AVEN: variants seen among roughly 807,000 people sequenced by gnomAD.
The protein encoded by AVEN is cell death regulator Aven.
AVEN carries 41 observed loss-of-function variants against 38.1 expected under a neutral mutation model. The ratio of observed to expected loss-of-function variants is 1.08; its 90% confidence interval spans 0.84 to 1.40. The LOEUF (loss-of-function observed/expected upper bound fraction) is 1.40, where lower values mean the gene tolerates loss of function less well. Among genes scored for constraint, AVEN ranks in the 40% most tolerant of loss-of-function variants. AVEN has a pLI of 0.00. For synonymous variants in AVEN, 206 were observed against 171.8 expected (o/e 1.20, Z -1.56); for missense variants, 605 against 438.8 (o/e 1.38, Z -3.38).
At chr15:34,074,329 A>C (rs1355221429) in intron 1 of AVEN, among the ~76,000 whole-genome samples, 1 of 152,244 alleles carries the variant, frequency 6.6e-6, no homozygotes, top group East Asian at 1.9e-4. Context: ...AAAACAAAAA[A>C]CAACCAAAAA....
intron 2 of AVEN, among the ~76,000 whole-genome samples, chr15:33,992,246 T>G (rs757026576): frequency 6.6e-6 from 1 of 152,028 alleles, no homozygotes; most frequent in South Asian, 2.1e-4. Flanking sequence ...AACAGTTAGC[T>G]GGGCGTGGTG....
intron 3 of AVEN, among the ~76,000 whole-genome samples, chr15:33,873,815 A>C (rs537890613): frequency 3.2e-4 from 49 of 152,188 alleles, no homozygotes; most frequent in African/African-American, 1.1e-3. Context: ...CTAGTTACTC[A>C]AGCTAGAAAG....
At chr15:33,996,537 C>T (rs1253421774) in intron 2 of AVEN, among the ~76,000 whole-genome samples, 1 of 152,202 alleles carries the variant, frequency 6.6e-6, no homozygotes, top group Non-Finnish European at 1.5e-5. Flanking sequence ...GTTCTGCAGC[C>T]TCCGCTGGTG....
chr15:34,037,546 T>C (rs901490533), intron 1 of AVEN, among the ~76,000 whole-genome samples: 20 of 148,984 alleles, frequency 1.3e-4, no homozygotes, highest in Non-Finnish European at 2.8e-4. Context: ...CTACATTACA[T>C]ATATATTATA....
chr15:33,997,676 G>A (rs143869189), intron 2 of AVEN, among the ~76,000 whole-genome samples: 19 of 151,970 alleles, frequency 1.3e-4, no homozygotes, highest in Middle Eastern at 3.4e-3. Flanking sequence ...TCTTTTTACT[G>A]CCCCTCATCT....
intron 2 of AVEN, among the ~76,000 whole-genome samples, chr15:33,922,749 A>G (rs1424107722): frequency 6.6e-6 from 1 of 151,984 alleles, no homozygotes; most frequent in East Asian, 1.9e-4. Context: ...TGATTTGACA[A>G]CCTAATTCTC....
chr15:33,981,891 G>A (rs1161265405), intron 2 of AVEN, among the ~76,000 whole-genome samples: 1 of 152,102 alleles, frequency 6.6e-6, no homozygotes, highest in Non-Finnish European at 1.5e-5. Flanking sequence ...CTGGAGTGCA[G>A]TGGCGCGATC....
chr15:33,886,640 A>G (rs1389247115), intron 2 of AVEN, among the ~76,000 whole-genome samples: 1 of 151,510 alleles, frequency 6.6e-6, no homozygotes, highest in Non-Finnish European at 1.5e-5. Flanking sequence ...CACCTTGTGA[A>G]GAAGAACATG....
At chr15:33,893,611 A>T (rs1892084333) in intron 2 of AVEN, among the ~76,000 whole-genome samples, 1 of 152,212 alleles carries the variant, frequency 6.6e-6, no homozygotes, top group Admixed American at 6.5e-5. Context: ...GCAATGCATA[A>T]TGTGAATTCT....
chr15:33,962,161 G>A lies in AVEN; in HGVS notation c.445+40871C>T, dbSNP rs190517804. ...AAAAAACAAAGTAAGGTTAAAAACCGTAATGAAAAACAAAGGAATGGGGGA... is the reference window on the plus strand; with the variant it reads ...AAAAAACAAAGTAAGGTTAAAAACCATAATGAAAAACAAAGGAATGGGGGA... On this transcript the variant is annotated intron_variant, in intron 2 of 5. Transcript: ENST00000306730. Among the ~76,000 whole-genome samples, 1,119 of 152,130 alleles carry A rather than the reference G, an allele frequency of 7.4e-3. 8 individuals are homozygous for A. Among genetic ancestry groups the A allele is most frequent in the Non-Finnish European group, 9.9e-3 (675 of 67,988 alleles).
chr15:33,865,233 A>G, downstream of AVEN: 3 of 1,605,436 alleles, frequency 1.9e-6, no homozygotes, highest in Non-Finnish European at 2.6e-6. Flanking sequence ...ATAAATCTGA[A>G]TCAAAGAAGC....
chr15:33,891,090 G>A (rs541379582), intron 2 of AVEN, among the ~76,000 whole-genome samples: 107 of 151,938 alleles, frequency 7.0e-4, no homozygotes, highest in Non-Finnish European at 1.0e-3. Context: ...GCAACAGAGT[G>A]AGACTCTGTC....
intron 4 of AVEN, 34 bp from the exon 5 acceptor site, chr15:33,867,889 G>C: frequency 1.3e-6 from 2 of 1,529,070 alleles, no homozygotes; most frequent in Non-Finnish European, 1.8e-6. Context: ...AGTTAAAAAT[G>C]TGAGTCTTGC....
At chr15:33,896,402 C>T (rs1157053019) in intron 2 of AVEN, among the ~76,000 whole-genome samples, 1 of 152,212 alleles carries the variant, frequency 6.6e-6, no homozygotes, top group Non-Finnish European at 1.5e-5. Context: ...CTCTCCCTTA[C>T]ACTCTATACT....
At chr15:33,879,653 A>G (rs977992870) in intron 2 of AVEN, among the ~76,000 whole-genome samples, 6 of 152,212 alleles carry the variant, frequency 3.9e-5, no homozygotes, top group Non-Finnish European at 1.5e-5. Context: ...ACATCTTTCA[A>G]AACTGGAGGC....
intron 1 of AVEN, 117 bp downstream of exon 1, chr15:34,038,663 C>CGCCGGG (rs1899284940): frequency 1.0e-6 from 1 of 998,908 alleles, no homozygotes; most frequent in Non-Finnish European, 1.2e-6. Flanking sequence ...CAGGCGCCGG[C>CGCCGGG]GCCGCCGCCC....
chr15:33,941,635 A>T (rs1191233014), intron 2 of AVEN, among the ~76,000 whole-genome samples: 2 of 152,242 alleles, frequency 1.3e-5, no homozygotes, highest in Non-Finnish European at 2.9e-5. Context: ...ACAAAGTGAG[A>T]ATAATTTAAA....
Position 33,866,521 on chromosome 15 carries a change from C to G in AVEN, c.*92G>C, listed in dbSNP as rs888979531. The G allele has an allele frequency of 2.3e-6, 2 of 882,848 alleles. No individual in the cohort carries two copies. The highest frequency in any genetic ancestry group is 3.7e-6 in the Non-Finnish European group (2 of 545,622). 54.7% of individuals were successfully genotyped at this position (882,848 alleles called of 1,614,324 possible). A position where few individuals can be genotyped will look rare whatever the true frequency, so the allele number is the denominator to read the frequency against. ...ATGGAACACACTAGCTTGAGACATG[C>G]TTGTAAACTGGCTGGTCCTGAAGGA... On this transcript the variant is annotated 3_prime_UTR_variant, in exon 6 of 6. Transcript: ENST00000306730.
At chr15:33,860,825 G>A (rs1391534370) in intron 11 of AVEN, among the ~76,000 whole-genome samples, 3 of 150,918 alleles carry the variant, frequency 2.0e-5, no homozygotes, top group Non-Finnish European at 4.4e-5. Context: ...CTGCCAGGCC[G>A]GCCACTCTGC....
Sources: gnomAD v4.1 joint callset for allele counts (sites outside exome capture counted in the v4.1 genomes callset) on GRCh38, gnomAD v4.1.1 for gene constraint, MANE v1.5 for transcripts, NCBI Gene and HGNC (gene_info 2026-07-23, HGNC 2026-07-21) for gene names.